The following SH2D4A variants were observed in gnomAD, a reference collection of about 807,000 sequenced individuals.
The protein encoded by SH2D4A is SH2 domain containing 4A, also known as SH2 domain-containing protein 4A.
In SH2D4A, 70 loss-of-function variants were observed where a neutral mutation model predicts 64.7. The observed-to-expected ratio is 1.08, with a 90% CI of 0.89 to 1.32. SH2D4A has a LOEUF of 1.32. SH2D4A is among the 40% of genes most tolerant of loss of function. The pLI, the probability that SH2D4A is intolerant of heterozygous loss-of-function variation, is 0.00. For synonymous variants in SH2D4A, 268 were observed against 200.7 expected (o/e 1.34, Z -2.83); for missense variants, 706 against 540.1 (o/e 1.31, Z -3.04).
In SH2D4A at chr8:19,313,727, C is replaced by T; in HGVS notation, c.-301C>T. ...CAGCCCGCCTGCGCCGCTTGGGACG[C>T]CTCTGCCTTTCCCTCCCTCCCTTCC... On this transcript the variant is annotated 5_prime_UTR_variant, in exon 1 of 10. Coordinates refer to ENST00000265807, the MANE Select transcript of SH2D4A (RefSeq NM_022071.4). The T allele has an allele frequency of 6.6e-7, 1 of 1,504,536 alleles. No homozygotes were observed. The highest frequency in any genetic ancestry group is 8.8e-7 in the Non-Finnish European group (1 of 1,131,016). 93.2% of individuals were successfully genotyped at this position (1,504,536 alleles called of 1,614,324 possible). A position where few individuals can be genotyped will look rare whatever the true frequency, so the allele number is the denominator to read the frequency against.
chr8:19,385,653 C>A (rs2053377237), intron 8 of SH2D4A, among the ~76,000 whole-genome samples: 1 of 152,166 alleles, frequency 6.6e-6, no homozygotes, highest in East Asian at 1.9e-4. Context: ...TCCCAACTTC[C>A]CTTCTTCTAC....
Position 19,313,828 on chromosome 8 carries a change from G to C in SH2D4A, c.-205+5G>C, listed in dbSNP as rs929888262. Reference sequence around the variant, plus strand: ...GCCCAGGGGCGCCCAGCACTGGTAGGTGCTGGGGGTGGGGCGAGGCTTTGG... The same window carrying C: ...GCCCAGGGGCGCCCAGCACTGGTAGCTGCTGGGGGTGGGGCGAGGCTTTGG... On this transcript the variant is annotated splice_donor_5th_base_variant and intron_variant, in intron 1 of 9. Coordinates refer to ENST00000265807, the MANE Select transcript of SH2D4A (RefSeq NM_022071.4). The C allele has an allele frequency of 2.0e-6, 3 of 1,488,452 alleles. No individual in the cohort carries two copies. The highest frequency in any genetic ancestry group is 2.7e-6 in the Non-Finnish European group (3 of 1,125,638). The allele number at this position is 1,488,452 out of a possible 1,614,324, so 92.2% of individuals were successfully genotyped here.
chr8:19,394,513 ACTT>A, intron 9 of SH2D4A, 34 bp from the exon 10 acceptor site: 1 of 1,453,882 alleles, frequency 6.9e-7, no homozygotes, highest in South Asian at 1.2e-5. Context: ...TGTGGTCACT[ACTT>A]ACACTATCTG....
intron 8 of SH2D4A, among the ~76,000 whole-genome samples, chr8:19,377,986 T>C (rs1432879145): frequency 1.3e-5 from 2 of 152,208 alleles, no homozygotes; most frequent in African/African-American, 4.8e-5. Context: ...ACTGCCAGAT[T>C]CTCATTTTCC....
chr8:19,357,189 C>T lies in SH2D4A; in HGVS notation c.514-14C>T, dbSNP rs527690533. ...AGCTCCAAATGCCATAAATGTGTTT[C>T]GTTTAATTTTTAGTCACTCTCCAGT... is the stretch of plus-strand genomic sequence containing the variant. On this transcript the variant is annotated splice_polypyrimidine_tract_variant and intron_variant, in intron 4 of 9. Coordinates refer to ENST00000265807, the MANE Select transcript of SH2D4A (RefSeq NM_022071.4). 1.9e-5 allele frequency: 31 copies of T among 1,597,914 alleles called. No individual in the cohort carries two copies. In the South Asian group the frequency reaches 2.3e-4, roughly 12 times the overall value.
At chr8:19,321,365 C>T (rs1585143155) in intron 2 of SH2D4A, among the ~76,000 whole-genome samples, 1 of 152,192 alleles carries the variant, frequency 6.6e-6, no homozygotes, top group South Asian at 2.1e-4. Context: ...AGGCATGTGC[C>T]ACCACACCCA....
chr8:19,323,735 A>G (rs2052228698), intron 2 of SH2D4A, among the ~76,000 whole-genome samples: 1 of 152,180 alleles, frequency 6.6e-6, no homozygotes, highest in African/African-American at 2.4e-5. Flanking sequence ...TGGATGTGGT[A>G]CACATTTCTG....
At chr8:19,389,484 C>T (rs1364835038) in intron 8 of SH2D4A, among the ~76,000 whole-genome samples, 4 of 152,136 alleles carry the variant, frequency 2.6e-5, no homozygotes, top group Non-Finnish European at 2.9e-5. Flanking sequence ...CCTCCAGCTG[C>T]GACGGACCCT....
intron 7 of SH2D4A, among the ~76,000 whole-genome samples, chr8:19,366,472 A>G (rs2052996761): frequency 6.6e-6 from 1 of 152,010 alleles, no homozygotes; most frequent in Admixed American, 6.6e-5. Context: ...TACTCTCCCC[A>G]GCCTCTGCTA....
intron 1 of SH2D4A, among the ~76,000 whole-genome samples, chr8:19,314,346 G>A (rs2052048832): frequency 6.6e-6 from 1 of 152,106 alleles, no homozygotes; most frequent in Non-Finnish European, 1.5e-5. Context: ...AGCTGGCGCA[G>A]CACCCCCGCA....
In SH2D4A at chr8:19,319,469, C is replaced by T. The variant is rs1228272944; in HGVS notation, c.-79C>T. ...GAAGTTTCGTGGAAACGCCCAAGTGCCAGCACAGGTGGAGGGACACCTGGA... is the reference window on the plus strand; with the variant it reads ...GAAGTTTCGTGGAAACGCCCAAGTGTCAGCACAGGTGGAGGGACACCTGGA... On this transcript the variant is annotated 5_prime_UTR_variant, in exon 2 of 10. Coordinates refer to ENST00000265807, the MANE Select transcript of SH2D4A (RefSeq NM_022071.4). 5.8e-6 allele frequency: 8 copies of T among 1,373,918 alleles called. No individual in the cohort carries two copies. The highest frequency in any genetic ancestry group is 3.0e-5 in the African/African-American group (2 of 66,702). 85.1% of individuals were successfully genotyped at this position (1,373,918 alleles called of 1,614,324 possible). A position where few individuals can be genotyped will look rare whatever the true frequency, so the allele number is the denominator to read the frequency against.
At chr8:19,327,648 T>C (rs964946086) in intron 2 of SH2D4A, among the ~76,000 whole-genome samples, 6 of 152,326 alleles carry the variant, frequency 3.9e-5, no homozygotes, top group African/African-American at 1.4e-4. Context: ...ACTCCCTGCC[T>C]GTGTTTCCCC....
chr8:19,356,364 A>G (rs982080587), intron 4 of SH2D4A, among the ~76,000 whole-genome samples: 1 of 152,054 alleles, frequency 6.6e-6, no homozygotes, highest in South Asian at 2.1e-4. Context: ...TTTAGTGACA[A>G]TTTCCGATGT....
chr8:19,371,348 G>A (rs1337496695), intron 7 of SH2D4A, among the ~76,000 whole-genome samples: 1 of 151,710 alleles, frequency 6.6e-6, no homozygotes, highest in Admixed American at 6.6e-5. Context: ...GCAGTATTCT[G>A]GGTTGCATTT....
intron 4 of SH2D4A, among the ~76,000 whole-genome samples, chr8:19,352,770 G>A (rs144718510): frequency 6.6e-6 from 1 of 152,164 alleles, no homozygotes; most frequent in Middle Eastern, 3.2e-3. Flanking sequence ...ACTTTGGGAG[G>A]CTGAGGTGGG....
At chr8:19,321,414 A>G (rs796757972) in intron 2 of SH2D4A, among the ~76,000 whole-genome samples, 19 of 152,216 alleles carry the variant, frequency 1.2e-4, no homozygotes, top group African/African-American at 4.1e-4. Flanking sequence ...GGGTTTCTCC[A>G]TGTTGGCCAG....
intron 4 of SH2D4A, among the ~76,000 whole-genome samples, chr8:19,340,994 C>A (rs1419636866): frequency 2.0e-5 from 3 of 152,118 alleles, no homozygotes. Context: ...AATACAATAC[C>A]ATTTCTTTTG....
chr8:19,332,829 C>G (rs1284241486), intron 2 of SH2D4A, 126 bp from the exon 3 acceptor site: 14 of 762,148 alleles, frequency 1.8e-5, no homozygotes, highest in Non-Finnish European at 2.5e-5. Context: ...GTTGGAAGTT[C>G]TTTGTCTCAT....
chr8:19,337,010 T>G (rs2052455753), intron 4 of SH2D4A, among the ~76,000 whole-genome samples: 1 of 152,178 alleles, frequency 6.6e-6, no homozygotes, highest in South Asian at 2.1e-4. Flanking sequence ...AACCATCTCA[T>G]AAATATTATA....
Sources: gnomAD v4.1 joint callset for allele counts (sites outside exome capture counted in the v4.1 genomes callset) on GRCh38, gnomAD v4.1.1 for gene constraint, MANE v1.5 for transcripts, NCBI Gene and HGNC (gene_info 2026-07-23, HGNC 2026-07-21) for gene names.